Variants in RBFOX2 observed in about 807,000 individuals in gnomAD.
RBFOX2 encodes the protein RNA binding protein fox-1 homolog 2.
Under a neutral mutation model 49.1 loss-of-function variants are expected in RBFOX2, and 10 were observed. The ratio of observed to expected loss-of-function variants is 0.20; its 90% CI spans 0.13 to 0.35. RBFOX2 has a LOEUF of 0.35. Among genes scored for constraint, RBFOX2 ranks in the 10% least tolerant of loss-of-function variants. The probability of loss-of-function intolerance (pLI) is 1.00; values close to 1 mark genes in which losing one functional copy is unlikely to be tolerated. For synonymous variants in RBFOX2, 183 were observed against 187.4 expected, an observed-to-expected ratio of 0.98 and a Z score of 0.19; for missense variants, 323 against 486.9, an observed-to-expected ratio of 0.66 and a Z score of 3.17.
intron 1 of RBFOX2, among the ~76,000 whole-genome samples, chr22:35,818,650 G>A (rs1341458244): frequency 1.3e-5 from 2 of 151,960 alleles, no homozygotes; most frequent in Non-Finnish European, 2.9e-5. Flanking sequence ...AGCCAGGTGT[G>A]GTGGCATGCA....
At chr22:35,939,912 C>T (rs715545), upstream of RBFOX2, among the ~76,000 whole-genome samples, 11,711 of 152,146 alleles carry the variant, frequency 0.077, 473 homozygotes, top group South Asian at 0.086. Context: ...GGAAGATGCA[C>T]GTGCACACGA....
At chr22:35,965,671 C>A (rs2056515505), upstream of RBFOX2, among the ~76,000 whole-genome samples, 1 of 152,146 alleles carries the variant, frequency 6.6e-6, no homozygotes, top group East Asian at 1.9e-4. Flanking sequence ...CTGTTTGAAA[C>A]AGCATGTTGA....
intron 9 of RBFOX2, among the ~76,000 whole-genome samples, chr22:35,751,438 C>T (rs897561295): frequency 6.6e-6 from 1 of 152,126 alleles, no homozygotes; most frequent in African/African-American, 2.4e-5. Flanking sequence ...TAAGGAATGG[C>T]AGGTGTGATG....
rs964972835 is a variant in RBFOX2 at position 35,970,973 on chromosome 22, T to C, written c.187-32076A>G. Among the ~76,000 whole-genome samples the C allele has an allele frequency of 2.0e-5, 3 of 151,824 alleles. 1 individual carries two copies. Among genetic ancestry groups the C allele is most frequent in the South Asian group, 4.2e-4 (2 of 4,816 alleles). The stretch of plus-strand genomic sequence containing the variant: ...CCTCAGTCTAACCAGGCAACCAAAA[T>C]AGAAGCAAAATAGAAAATCAAGTAT... On this transcript the variant is annotated intron_variant, in intron 1 of 13. Transcript: ENST00000438146.
rs147564401 is a variant in RBFOX2, at chr22:35,791,182, C to T, written c.253-9436G>A. Among the ~76,000 whole-genome samples, 1,376 of 152,024 alleles carry T rather than the reference C, an allele frequency of 9.1e-3. 13 individuals are homozygous for T. The highest frequency in any genetic ancestry group is 0.032 in the African/African-American group (1,319 of 41,450). On this transcript the variant is annotated intron_variant, in intron 2 of 11. Coordinates refer to ENST00000405409, the Ensembl canonical transcript of RBFOX2. ...GGTGGATTACCTGAGGTCAAGAGTT[C>T]GAGACCAGCCTGGCCAACATGGTGA...
intron 2 of RBFOX2, among the ~76,000 whole-genome samples, chr22:35,793,594 T>A (rs1948204827): frequency 6.6e-6 from 1 of 152,164 alleles, no homozygotes; most frequent in Admixed American, 6.5e-5. Context: ...TTATAATCAA[T>A]TGAATATAAA....
chr22:35,936,946 T>A (rs1031982624), intron 1 of RBFOX2, among the ~76,000 whole-genome samples: 1 of 152,210 alleles, frequency 6.6e-6, no homozygotes. Flanking sequence ...ATAAGCAACA[T>A]TTTATAAATA....
intron 2 of RBFOX2, among the ~76,000 whole-genome samples, chr22:35,796,001 A>C: frequency 6.6e-6 from 1 of 152,168 alleles, no homozygotes; most frequent in Admixed American, 6.5e-5. Flanking sequence ...AAAACTTCTT[A>C]ATTTTTATTT....
chr22:35,911,906 T>C (rs2049880225), intron 1 of RBFOX2, among the ~76,000 whole-genome samples: 1 of 152,224 alleles, frequency 6.6e-6, no homozygotes, highest in Non-Finnish European at 1.5e-5. Flanking sequence ...ACCCCTTTCA[T>C]CTCTAAACCT....
At chr22:35,904,821 T>C (rs1453453763) in intron 1 of RBFOX2, among the ~76,000 whole-genome samples, 1 of 152,216 alleles carries the variant, frequency 6.6e-6, no homozygotes, top group Non-Finnish European at 1.5e-5. Flanking sequence ...CAGCCAGCTG[T>C]CATATGTGGT....
chr22:36,004,317 TAC>T (rs1356423952), intron 1 of RBFOX2, among the ~76,000 whole-genome samples: 2 of 152,174 alleles, frequency 1.3e-5, no homozygotes, highest in Non-Finnish European at 2.9e-5. Context: ...ATTGGATCCT[TAC>T]ACATCATTGC....
At chr22:35,887,254 A>T (rs1439578903) in intron 1 of RBFOX2, among the ~76,000 whole-genome samples, 2 of 152,156 alleles carry the variant, frequency 1.3e-5, no homozygotes, top group Admixed American at 1.3e-4. Flanking sequence ...CTATCTACTT[A>T]AAATCTTTAT....
At chr22:35,953,872 G>T (rs754276731) in intron 1 of RBFOX2, among the ~76,000 whole-genome samples, 2 of 152,160 alleles carry the variant, frequency 1.3e-5, no homozygotes, top group Non-Finnish European at 2.9e-5. Flanking sequence ...CAACAATACA[G>T]ATACTGATGC....
intron 1 of RBFOX2, among the ~76,000 whole-genome samples, chr22:35,918,062 G>A (rs2050624946): frequency 6.6e-6 from 1 of 152,140 alleles, no homozygotes; most frequent in Non-Finnish European, 1.5e-5. Context: ...TAAATGTAGC[G>A]CTGACATTCA....
At chr22:35,835,702 A>T (rs986445223) in intron 1 of RBFOX2, among the ~76,000 whole-genome samples, 3 of 152,084 alleles carry the variant, frequency 2.0e-5, no homozygotes, top group Non-Finnish European at 2.9e-5. Context: ...AGAAAGAGAA[A>T]AGTGTGTGTG....
intron 1 of RBFOX2, among the ~76,000 whole-genome samples, chr22:36,009,556 T>G (rs1603466060): frequency 6.6e-6 from 1 of 152,166 alleles, no homozygotes; most frequent in East Asian, 1.9e-4. Context: ...GTTTTTTTTG[T>G]TTTTTGTTTT....
intron 2 of RBFOX2, 148 bp from the exon 4 acceptor site, chr22:35,781,894 C>T (rs978776901): frequency 1.5e-5 from 13 of 856,016 alleles, no homozygotes; most frequent in Non-Finnish European, 2.3e-5. Flanking sequence ...ACAACAGCAG[C>T]AACAACAAAA....
intron 1 of RBFOX2, among the ~76,000 whole-genome samples, chr22:35,868,362 G>A (rs1395088382): frequency 6.6e-6 from 1 of 152,210 alleles, no homozygotes; most frequent in Non-Finnish European, 1.5e-5. Context: ...TTCATAGAAA[G>A]TGTAGGTTAA....
intron 1 of RBFOX2, among the ~76,000 whole-genome samples, chr22:35,908,131 A>C (rs2049332912): frequency 1.3e-5 from 2 of 152,232 alleles, no homozygotes; most frequent in South Asian, 4.1e-4. Flanking sequence ...AAATGATAGA[A>C]ATAAAATTTT....
Sources: allele counts gnomAD v4.1 joint callset (sites outside exome capture counted in the v4.1 genomes callset), GRCh38; gene constraint gnomAD v4.1.1; transcripts MANE v1.5; gene names NCBI Gene and HGNC (gene_info 2026-07-23, HGNC 2026-07-21).